The following SNAP29 variants were observed in gnomAD, a reference collection of about 807,000 sequenced individuals.
The protein encoded by SNAP29 is synaptosome associated protein 29.
A neutral mutation model predicts 27.9 loss-of-function variants in SNAP29; 13 were observed. That is an observed-to-expected ratio of 0.47 (90% confidence interval 0.30 to 0.74). The LOEUF (loss-of-function observed/expected upper bound fraction) is 0.74. SNAP29 is among the 30% of genes least tolerant of loss of function. SNAP29 has a pLI of 0.06. For missense variants in SNAP29, 368 were observed against 336.5 expected, an observed-to-expected ratio of 1.09 and a Z score of -0.73; for synonymous variants, 119 against 127.1, an observed-to-expected ratio of 0.94 and a Z score of 0.43.
intron 4 of SNAP29, among the ~76,000 whole-genome samples, chr22:20,887,165 C>T (rs1929036176): frequency 6.7e-6 from 1 of 149,726 alleles, no homozygotes; most frequent in Non-Finnish European, 1.5e-5. Context: ...ACGGAGGTTG[C>T]AGTGAGCCGA....
intron 2 of SNAP29, among the ~76,000 whole-genome samples, chr22:20,877,729 GA>G (rs931207176): frequency 6.6e-5 from 10 of 152,012 alleles, no homozygotes; most frequent in Admixed American, 2.0e-4. Context: ...AAAAGAAAAA[GA>G]AAAAAATTGG....
chr22:20,874,317 GACACAC>G (rs368789277), intron 2 of SNAP29, among the ~76,000 whole-genome samples: 37 of 118,160 alleles, frequency 3.1e-4, no homozygotes, highest in Admixed American at 6.9e-4. Context: ...GACACACACA[GACACAC>G]ACACACACAC....
At chr22:20,883,086 T>C (rs1160191548) in intron 3 of SNAP29, among the ~76,000 whole-genome samples, 1 of 152,168 alleles carries the variant, frequency 6.6e-6, no homozygotes, top group African/African-American at 2.4e-5. Flanking sequence ...ATAATTCCAT[T>C]TATGTAACGT....
intron 4 of SNAP29, 140 bp from the exon 5 acceptor site, chr22:20,887,539 C>A: frequency 1.1e-6 from 1 of 875,042 alleles, no homozygotes; most frequent in Non-Finnish European, 1.9e-6. Flanking sequence ...TCAATTAAGT[C>A]AAGACTCATC....
rs550249355 is a variant in SNAP29 at position 20,870,655 on chromosome 22, CAG to C, written c.434+123_434+124del. ...TCCAACAACCCTTTAAGTTACTCAT[CAG>C]GGGATATTTGTCCTCAAACATTGTG... On this transcript the variant is annotated intron_variant, in intron 2 of 4. Transcript: ENST00000215730. 6.8e-3 allele frequency: 6,019 copies of C among 887,792 alleles called. 44 individuals carry two copies. Among genetic ancestry groups the C allele is most frequent in the Middle Eastern group, 0.024 (89 of 3,662 alleles). The allele number at this position is 887,792 out of a possible 1,614,324, so 55.0% of individuals were successfully genotyped here.
chr22:20,885,821 G>A (rs1929001469), intron 4 of SNAP29, among the ~76,000 whole-genome samples: 1 of 152,208 alleles, frequency 6.6e-6, no homozygotes, highest in African/African-American at 2.4e-5. Context: ...GGCCAGGCCG[G>A]TCCACTCTGG....
At chr22:20,881,197 G>A (rs1026656745) in intron 3 of SNAP29, 63 bp downstream of exon 3, 8 of 1,221,672 alleles carry the variant, frequency 6.5e-6, no homozygotes, top group African/African-American at 3.0e-5. Flanking sequence ...TAGGTTTGGC[G>A]TTGGTCCTTG....
chr22:20,859,015 G>A lies in SNAP29; in HGVS notation c.-96G>A, dbSNP rs1928094429. The A allele has an allele frequency of 7.3e-7, 1 of 1,370,838 alleles. No individual in the cohort carries two copies. Among genetic ancestry groups the A allele is most frequent in the African/African-American group, 1.5e-5 (1 of 67,760 alleles). 84.9% of individuals were successfully genotyped at this position (1,370,838 alleles called of 1,614,324 possible). A position where few individuals can be genotyped will look rare whatever the true frequency, so the allele number is the denominator to read the frequency against. ...CGCGACGCGCGGAAGGAGTTCGCGCGACGACCGCGGGGTCGGCGGGCGGGG... is the reference window on the plus strand; with the variant it reads ...CGCGACGCGCGGAAGGAGTTCGCGCAACGACCGCGGGGTCGGCGGGCGGGG... On this transcript the variant is annotated 5_prime_UTR_variant, in exon 1 of 5. Transcript: ENST00000215730.
rs1015563368 is a variant in SNAP29, at chr22:20,888,046, A to C, written c.*210A>C. 21 of 571,938 alleles carry C rather than the reference A, an allele frequency of 3.7e-5. No homozygotes were observed. The highest frequency in any genetic ancestry group is 5.6e-5 in the Non-Finnish European group (18 of 322,016). The allele number at this position is 571,938 out of a possible 1,614,324, so 35.4% of individuals were successfully genotyped here. A position where few individuals can be genotyped will look rare whatever the true frequency, so the allele number is the denominator to read the frequency against. On this transcript the variant is annotated 3_prime_UTR_variant, in exon 5 of 5. Transcript: ENST00000215730. The stretch of plus-strand genomic sequence containing the variant: ...TAACACCTCACCAAGTTCTTCCAGC[A>C]AAATGCTTATTAGAGTTTTTGTCTG...
At chr22:20,879,939 G>A (rs1476218680) in intron 2 of SNAP29, among the ~76,000 whole-genome samples, 6 of 149,878 alleles carry the variant, frequency 4.0e-5, no homozygotes, top group East Asian at 2.0e-4. Flanking sequence ...GGAGGATCAC[G>A]AGCCTAGGAG....
At chr22:20,867,122 G>A (rs544395277) in intron 1 of SNAP29, among the ~76,000 whole-genome samples, 4 of 152,308 alleles carry the variant, frequency 2.6e-5, no homozygotes, top group African/African-American at 4.8e-5. Flanking sequence ...GGATTGTTTC[G>A]TGGACAAAGA....
At chr22:20,879,018 A>G (rs771863937) in intron 2 of SNAP29, among the ~76,000 whole-genome samples, 2 of 152,224 alleles carry the variant, frequency 1.3e-5, no homozygotes, top group Non-Finnish European at 2.9e-5. Flanking sequence ...TTAAAATATA[A>G]AAACAGTGGC....
chr22:20,861,963 T>G (rs940563718), intron 1 of SNAP29, among the ~76,000 whole-genome samples: 1 of 152,124 alleles, frequency 6.6e-6, no homozygotes, highest in African/African-American at 2.4e-5. Context: ...TAGAGACAGG[T>G]TTCGCCATGT....
chr22:20,871,620 C>T (rs766119465), intron 2 of SNAP29, among the ~76,000 whole-genome samples: 3 of 152,022 alleles, frequency 2.0e-5, no homozygotes, highest in Admixed American at 2.0e-4. Flanking sequence ...CGGTGGCTCA[C>T]GCCTATAATC....
At position 20,859,221 on chromosome 22, in the gene SNAP29, G is replaced by T. The variant is rs760763995; in HGVS notation, c.111G>T (p.Ala37=). 24 of 1,604,540 alleles carry T rather than the reference G, an allele frequency of 1.5e-5. No individual in the cohort carries two copies. Among genetic ancestry groups the T allele is most frequent in the South Asian group, 1.4e-4 (13 of 89,894 alleles). ...GAGACCTCCCCGACGGGCCCGACGC[G>T]CCCGCGGACAGGCAGCAGTACTTGC... ...DARDLPDGPD[A]PADRQQYLRQ... The change falls in exon 1 of 5, where the codon GCG becomes GCT. Residue 37 remains alanine (A), a synonymous_variant. Coordinates refer to ENST00000215730, the MANE Select transcript of SNAP29 (RefSeq NM_004782.4).
intron 2 of SNAP29, 112 bp downstream of exon 2, chr22:20,870,645 AGTT>A: frequency 1.0e-6 from 1 of 957,896 alleles, no homozygotes; most frequent in Non-Finnish European, 1.6e-6. Flanking sequence ...CAACCCTTTA[AGTT>A]ACTCATCAGG....
chr22:20,874,574 C>CAAA (rs758177794), intron 2 of SNAP29, among the ~76,000 whole-genome samples: 1 of 98,390 alleles, frequency 1.0e-5, no homozygotes, highest in Non-Finnish European at 2.1e-5. Context: ...GACCCTATCT[C>CAAA]AAAAAAAAAA....
chr22:20,864,860 G>A (rs766410811), intron 1 of SNAP29, among the ~76,000 whole-genome samples: 44 of 152,258 alleles, frequency 2.9e-4, no homozygotes, highest in Non-Finnish European at 4.7e-4. Context: ...GAGAGAGTTG[G>A]GTGGAAAGAA....
rs361542 is a variant in SNAP29, at chr22:20,879,851, TAAAAAAA to T, written c.435-1180_435-1174del. 2.3e-3 allele frequency among the ~76,000 whole-genome samples: 223 copies of T among 98,040 alleles called. 3 individuals are homozygous for T. Among genetic ancestry groups the T allele is most frequent in the Middle Eastern group, 0.011 (2 of 188 alleles). The allele number at this position is 98,040 out of a possible 152,430, so 64.3% of individuals were successfully genotyped here. A position where few individuals can be genotyped will look rare whatever the true frequency, so the allele number is the denominator to read the frequency against. On this transcript the variant is annotated intron_variant, in intron 2 of 4. Transcript: ENST00000215730. ...GAGCGAGACTCTGTCTGAAAAAATT[TAAAAAAA>T]AAAAAAAAAAAAAAAAAGCCAGGCA...
Sources: allele counts gnomAD v4.1 joint callset (sites outside exome capture counted in the v4.1 genomes callset), GRCh38; gene constraint gnomAD v4.1.1; transcripts MANE v1.5; gene names NCBI Gene and HGNC (gene_info 2026-07-23, HGNC 2026-07-21).